EIF4H: variants seen among roughly 807,000 people sequenced by gnomAD.
The protein encoded by EIF4H is eukaryotic translation initiation factor 4H, also known as Williams-Beuren syndrome chromosome region 1.
In EIF4H, 8 loss-of-function variants were observed where a neutral mutation model predicts 30.6. The ratio of observed to expected loss-of-function variants is 0.26; its 90% CI spans 0.15 to 0.47. EIF4H has a LOEUF of 0.47. Among genes scored for constraint, EIF4H ranks in the 20% least tolerant of loss-of-function variants. The probability of loss-of-function intolerance (pLI) is 0.99; values close to 1 mark genes in which losing one functional copy is unlikely to be tolerated. For synonymous variants in EIF4H, 106 were observed against 122.7 expected (o/e 0.86, Z 0.90); for missense variants, 188 against 339.5 (o/e 0.55, Z 3.51).
At chr7:74,179,032 C>T (rs954028377) in intron 1 of EIF4H, among the ~76,000 whole-genome samples, 2 of 152,052 alleles carry the variant, frequency 1.3e-5, no homozygotes, top group African/African-American at 2.4e-5. Context: ...TGTATACTCA[C>T]ATTTTTGGAG....
Position 74,181,020 on chromosome 7 carries a change from G to A in EIF4H, c.59+6578G>A, listed in dbSNP as rs368766611. 9.7e-4 allele frequency among the ~76,000 whole-genome samples: 147 copies of A among 152,292 alleles called. 2 individuals are homozygous for A. Among genetic ancestry groups the A allele is most frequent in the South Asian group, 7.0e-3 (34 of 4,828 alleles). On this transcript the variant is annotated intron_variant, in intron 1 of 6. Coordinates refer to ENST00000265753, the MANE Select transcript of EIF4H (RefSeq NM_022170.2). ...TAAAGTGCTGGGATTGCAAGCATGA[G>A]CCACCACGCCCAGCCTCAACCATTT...
intron 5 of EIF4H, among the ~76,000 whole-genome samples, chr7:74,192,839 A>G (rs1280054706): frequency 2.6e-5 from 4 of 151,662 alleles, no homozygotes; most frequent in African/African-American, 7.3e-5. Flanking sequence ...CACCACACCC[A>G]GCTAATTTTT....
At chr7:74,177,659 T>C (rs1274469528) in intron 1 of EIF4H, among the ~76,000 whole-genome samples, 1 of 152,252 alleles carries the variant, frequency 6.6e-6, no homozygotes, top group Non-Finnish European at 1.5e-5. Flanking sequence ...AAAAGCTTAT[T>C]TTAAAATGCT....
Position 74,194,802 on chromosome 7 carries a change from C to T in EIF4H, c.531C>T (p.Gly177=), listed in dbSNP as rs782555864. 27 of 1,603,108 alleles carry T rather than the reference C, an allele frequency of 1.7e-5. No homozygotes were observed. In the Admixed American group the frequency reaches 2.7e-4, roughly 16 times the overall value. The part of the protein sequence containing the change: ...GGSRPGDRRT[G]PPMGSRFRDG... Reference sequence around the variant, plus strand: ...GTCGCCCAGGCGACCGGCGAACAGGCCCCCCCATGGGCAGCCGCTTCAGAG... The same window carrying T: ...GTCGCCCAGGCGACCGGCGAACAGGTCCCCCCATGGGCAGCCGCTTCAGAG... Residue 177 remains glycine (G), a synonymous_variant, in exon 6 of 7, where the codon GGC becomes GGT. Transcript: ENST00000265753.
intron 1 of EIF4H, among the ~76,000 whole-genome samples, chr7:74,186,614 C>A (rs113462957): frequency 6.6e-6 from 1 of 152,156 alleles, no homozygotes; most frequent in African/African-American, 2.4e-5. Flanking sequence ...ACGCTTGATA[C>A]AGCTGAGGAG....
Position 74,187,730 on chromosome 7 carries a change from C to G in EIF4H, c.179C>G (p.Ala60Gly). 6.2e-7 allele frequency: 1 copy of G among 1,613,886 alleles called. No homozygotes were observed. Among genetic ancestry groups the G allele is most frequent in the Non-Finnish European group, 8.5e-7 (1 of 1,179,874 alleles). Residue 60 changes from alanine to glycine, a missense_variant, in exon 2 of 7, where the codon GCT (alanine) becomes GGT (glycine). By Grantham distance (60) the Ala-to-Gly change is moderately conservative. Coordinates refer to ENST00000265753, the MANE Select transcript of EIF4H (RefSeq NM_022170.2). ...PFNTVQGDIDAIFKDLSIRSV... is the reference protein window; with the variant it reads ...PFNTVQGDIDGIFKDLSIRSV... ...AATACGGTTCAGGGCGACATAGATG[C>G]TATCTTTAAGGATCTCAGCATAAGG...
intron 2 of EIF4H, 115 bp downstream of exon 2, chr7:74,187,913 A>C: frequency 8.0e-7 from 1 of 1,257,792 alleles, no homozygotes; most frequent in Non-Finnish European, 1.1e-6. Context: ...AAGTGTTTTA[A>C]ACATTTGCCT....
chr7:74,194,933 C>T lies in EIF4H; in HGVS notation c.607+55C>T, dbSNP rs1380411756. 7.8e-5 allele frequency: 121 copies of T among 1,550,026 alleles called. 2 individuals carry two copies. The South Asian group carries it at 1.4e-3, about 17-fold the overall frequency. On this transcript the variant is annotated intron_variant, in intron 6 of 6. Coordinates refer to ENST00000265753, the MANE Select transcript of EIF4H (RefSeq NM_022170.2). Reference sequence around the variant, plus strand: ...CTTGTCCTGATGGGATGATCATGGCCGGTTCACACCCCGTGGGGACTTGGC... The same window carrying T: ...CTTGTCCTGATGGGATGATCATGGCTGGTTCACACCCCGTGGGGACTTGGC...
intron 1 of EIF4H, among the ~76,000 whole-genome samples, chr7:74,178,626 G>A (rs558599610): frequency 9.9e-5 from 15 of 152,136 alleles, no homozygotes; most frequent in Admixed American, 3.3e-4. Context: ...AGCTTAGAAC[G>A]TACAAAGCAG....
chr7:74,192,868 G>A (rs369309991), intron 5 of EIF4H, among the ~76,000 whole-genome samples: 120 of 151,560 alleles, frequency 7.9e-4, no homozygotes, highest in African/African-American at 2.7e-3. Flanking sequence ...AGTAGAGACG[G>A]GGTCTCTCCG....
intron 1 of EIF4H, among the ~76,000 whole-genome samples, chr7:74,178,008 A>G (rs1222747320): frequency 6.6e-6 from 1 of 152,080 alleles, no homozygotes; most frequent in African/African-American, 2.4e-5. Flanking sequence ...TGGCAGGATC[A>G]TAGCTCAGTG....
At chr7:74,174,760 C>T (rs1029652977) in intron 1 of EIF4H, among the ~76,000 whole-genome samples, 11 of 152,362 alleles carry the variant, frequency 7.2e-5, no homozygotes, top group African/African-American at 2.2e-4. Context: ...CAGCCCCATC[C>T]CCCCTACGGT....
rs1801325785 is a variant in EIF4H, at chr7:74,195,512, T to A, written c.*204T>A. The stretch of plus-strand genomic sequence containing the variant: ...CTTTGCTGTATCTATCTAGTGCCTG[T>A]TTGTGCGTTTTTTTCTTTCTTCCGC... On this transcript the variant is annotated 3_prime_UTR_variant, in exon 7 of 7. Transcript: ENST00000265753. 4.4e-6 allele frequency: 2 copies of A among 457,874 alleles called. No homozygotes were observed. The highest frequency in any genetic ancestry group is 7.7e-6 in the Non-Finnish European group (2 of 261,028). The allele number at this position is 457,874 out of a possible 1,614,324, so 28.4% of individuals were successfully genotyped here.
intron 2 of EIF4H, among the ~76,000 whole-genome samples, chr7:74,188,406 G>A (rs1176537955): frequency 6.6e-6 from 1 of 152,194 alleles, no homozygotes; most frequent in East Asian, 1.9e-4. Flanking sequence ...TGCCTGCTGT[G>A]TAAGTGCACG....
intron 1 of EIF4H, among the ~76,000 whole-genome samples, chr7:74,183,238 A>G (rs1195078684): frequency 2.0e-5 from 3 of 152,184 alleles, no homozygotes; most frequent in African/African-American, 7.2e-5. Context: ...ACTGTCCCTA[A>G]TGGGCAGTAG....
At chr7:74,179,631 CAAAAA>C (rs34502000) in intron 1 of EIF4H, among the ~76,000 whole-genome samples, 1 of 128,062 alleles carries the variant, frequency 7.8e-6, no homozygotes, top group Non-Finnish European at 1.7e-5. Context: ...GACTCTGTAT[CAAAAA>C]AAAAAAAAAA....
intron 1 of EIF4H, among the ~76,000 whole-genome samples, chr7:74,180,961 A>G (rs1273180162): frequency 6.6e-6 from 1 of 152,122 alleles, no homozygotes; most frequent in Non-Finnish European, 1.5e-5. Context: ...CTGGTCTTGA[A>G]CTAGCCTCAA....
At chr7:74,180,272 A>G (rs565301951) in intron 1 of EIF4H, among the ~76,000 whole-genome samples, 1 of 152,322 alleles carries the variant, frequency 6.6e-6, no homozygotes. Flanking sequence ...CTTAGTACCC[A>G]TGTCTGAATT....
At chr7:74,181,744 T>C (rs1158516801) in intron 1 of EIF4H, among the ~76,000 whole-genome samples, 2 of 72,362 alleles carry the variant, frequency 2.8e-5, no homozygotes, top group African/African-American at 1.2e-4. Flanking sequence ...GAGCCCGGCC[T>C]TTTTTTTTGA....
Sources: gnomAD v4.1 joint callset for allele counts (sites outside exome capture counted in the v4.1 genomes callset) on GRCh38, gnomAD v4.1.1 for gene constraint, MANE v1.5 for transcripts, NCBI Gene and HGNC (gene_info 2026-07-23, HGNC 2026-07-21) for gene names.